The following BBS9 variants were observed in gnomAD, a reference collection of about 807,000 sequenced individuals.
BBS9 encodes the protein protein PTHB1.
In BBS9, 89 loss-of-function variants were observed where a neutral mutation model predicts 117.7. The ratio of observed to expected loss-of-function variants is 0.76; its 90% CI spans 0.64 to 0.90. The LOEUF is 0.90. BBS9 is among the 40% of genes least tolerant of loss of function. The probability of loss-of-function intolerance (pLI) is 0.00; values close to 1 mark genes in which losing one functional copy is unlikely to be tolerated. For synonymous variants in BBS9, 379 were observed against 370.9 expected, an observed-to-expected ratio of 1.02 and a Z score of -0.25; for missense variants, 982 against 1,042.2, an observed-to-expected ratio of 0.94 and a Z score of 0.80.
At chr7:33,520,640 T>G (rs1179526834) in intron 20 of BBS9, among the ~76,000 whole-genome samples, 1 of 152,208 alleles carries the variant, frequency 6.6e-6, no homozygotes, top group Non-Finnish European at 1.5e-5. Flanking sequence ...TAATCCAATG[T>G]ACTTTCATGG....
intron 21 of BBS9, among the ~76,000 whole-genome samples, chr7:33,550,103 A>G (rs892372483): frequency 1.3e-5 from 2 of 152,108 alleles, no homozygotes; most frequent in South Asian, 2.1e-4. Context: ...CAGTGTATCT[A>G]TCTTTTATAG....
At chr7:33,459,354 C>T (rs1839111969) in intron 19 of BBS9, among the ~76,000 whole-genome samples, 1 of 151,814 alleles carries the variant, frequency 6.6e-6, no homozygotes, top group Admixed American at 6.6e-5. Context: ...ATTGTAACAG[C>T]TGGGGAGAAG....
At chr7:33,267,064 A>G (rs556935424) in intron 7 of BBS9, among the ~76,000 whole-genome samples, 3 of 151,846 alleles carry the variant, frequency 2.0e-5, no homozygotes, top group Admixed American at 6.6e-5. Flanking sequence ...TTATTTATTT[A>G]TTTTTTGCTT....
chr7:33,151,785 A>C (rs534462295), intron 2 of BBS9, among the ~76,000 whole-genome samples: 1 of 151,158 alleles, frequency 6.6e-6, no homozygotes, highest in Non-Finnish European at 1.5e-5. Flanking sequence ...TCCTGATCTC[A>C]AGTGATCTGC....
intron 21 of BBS9, among the ~76,000 whole-genome samples, chr7:33,553,521 T>C (rs1854794942): frequency 1.3e-5 from 2 of 152,334 alleles, no homozygotes; most frequent in East Asian, 3.9e-4. Context: ...TAATGCCCTC[T>C]GACTCTTCAT....
intron 9 of BBS9, among the ~76,000 whole-genome samples, chr7:33,290,640 A>T (rs950688383): frequency 4.9e-4 from 74 of 152,346 alleles, no homozygotes; most frequent in Non-Finnish European, 9.4e-4. Context: ...TTAAATTTTT[A>T]AAAAATTTTT....
chr7:33,421,891 A>T (rs892077802), intron 19 of BBS9, among the ~76,000 whole-genome samples: 11 of 152,334 alleles, frequency 7.2e-5, no homozygotes, highest in East Asian at 1.9e-4. Context: ...ATAACTTTTT[A>T]AAAAAGTACA....
At position 33,605,935 on chromosome 7, in the gene BBS9, A is replaced by G. The variant is rs1013310957; in HGVS notation, c.*709A>G. The G allele has an allele frequency of 4.6e-5, 7 of 152,252 alleles. No individual in the cohort carries two copies. The highest frequency in any genetic ancestry group is 5.9e-5 in the Non-Finnish European group (4 of 68,086). 9.4% of individuals were successfully genotyped at this position (152,252 alleles called of 1,614,324 possible). A position where few individuals can be genotyped will look rare whatever the true frequency, so the allele number is the denominator to read the frequency against. Reference sequence around the variant, plus strand: ...GCACCTTTTAAAAATCCAGGTTATTAAAGGATTCACACTTTATTACAGTTA... The same window carrying G: ...GCACCTTTTAAAAATCCAGGTTATTGAAGGATTCACACTTTATTACAGTTA... On this transcript the variant is annotated 3_prime_UTR_variant, in exon 23 of 23. Coordinates refer to ENST00000242067, the MANE Select transcript of BBS9 (RefSeq NM_198428.3).
At chr7:33,331,136 A>G (rs1813955232) in intron 9 of BBS9, among the ~76,000 whole-genome samples, 2 of 152,228 alleles carry the variant, frequency 1.3e-5, no homozygotes, top group Non-Finnish European at 2.9e-5. Flanking sequence ...AACAAATGTG[A>G]TATATCACAT....
At chr7:33,513,942 A>G (rs1029076068) in intron 20 of BBS9, among the ~76,000 whole-genome samples, 34 of 152,204 alleles carry the variant, frequency 2.2e-4, no homozygotes, top group Non-Finnish European at 4.4e-5. Context: ...AATGTCAATC[A>G]TAAAACTAAT....
rs145005048 is a variant in BBS9 at position 33,354,662 on chromosome 7, A to G, written c.1552+1789A>G. On this transcript the variant is annotated intron_variant, in intron 15 of 22. Coordinates refer to ENST00000242067, the MANE Select transcript of BBS9 (RefSeq NM_198428.3). ...ATTCATATATACTTATTTTTTTTCT[A>G]TGTTCTTTTTTCCTTTATTTCTTTA... Among the ~76,000 whole-genome samples, 519 of 151,956 alleles carry G rather than the reference A, an allele frequency of 3.4e-3. 5 individuals are homozygous for G. The highest frequency in any genetic ancestry group is 0.011 in the African/African-American group (472 of 41,482).
At chr7:33,432,405 A>G (rs1834647959) in intron 19 of BBS9, among the ~76,000 whole-genome samples, 1 of 151,318 alleles carries the variant, frequency 6.6e-6, no homozygotes, top group East Asian at 1.9e-4. Context: ...CACCGCGCCC[A>G]GCTGATTTTT....
At chr7:33,208,072 G>A (rs1241290714) in intron 5 of BBS9, among the ~76,000 whole-genome samples, 2 of 152,120 alleles carry the variant, frequency 1.3e-5, no homozygotes, top group African/African-American at 4.8e-5. Flanking sequence ...GCCTCCCAAA[G>A]TGCTGGGATT....
rs942758963 is a variant in BBS9 at position 33,257,298 on chromosome 7, T to A, written c.505T>A (p.Tyr169Asn). 6.2e-7 allele frequency: 1 copy of A among 1,613,928 alleles called. No individual in the cohort carries two copies. Among genetic ancestry groups the A allele is most frequent in the Non-Finnish European group, 8.5e-7 (1 of 1,179,850 alleles). The change falls in exon 6 of 23, where the codon TAT becomes AAT. Residue 169 changes from tyrosine (Y) to asparagine (N), a missense_variant. Coordinates refer to ENST00000242067, the MANE Select transcript of BBS9 (RefSeq NM_198428.3). ...GCTGATGGTATTTGAGCAGGAGAGC[T>A]ATGCTTTTGGAAGATTTCTCCCTGG... ...GMLMVFEQES[Y>N]AFGRFLPGFL...
chr7:33,362,749 G>C (rs1293335475), intron 16 of BBS9, among the ~76,000 whole-genome samples: 1 of 152,054 alleles, frequency 6.6e-6, no homozygotes, highest in Non-Finnish European at 1.5e-5. Context: ...TAGGTCCTTT[G>C]CATTTTCATA....
chr7:33,309,425 G>C (rs1015370463), intron 9 of BBS9, among the ~76,000 whole-genome samples: 3 of 152,296 alleles, frequency 2.0e-5, no homozygotes, highest in East Asian at 1.9e-4. Context: ...ATTTGAGCTA[G>C]AAGTAGTTTA....
chr7:33,305,094 C>A (rs1178311191), intron 9 of BBS9, among the ~76,000 whole-genome samples: 2 of 150,372 alleles, frequency 1.3e-5, no homozygotes, highest in East Asian at 2.0e-4. Context: ...GACCCTGCCA[C>A]ATCCCCCTCT....
chr7:33,280,335 C>T (rs1199975747), intron 9 of BBS9, among the ~76,000 whole-genome samples: 1 of 152,144 alleles, frequency 6.6e-6, no homozygotes, highest in Non-Finnish European at 1.5e-5. Context: ...CCCTCCCTCC[C>T]CACTCTTGTA....
chr7:33,232,786 A>G (rs2128262336), intron 5 of BBS9, among the ~76,000 whole-genome samples: 1 of 152,264 alleles, frequency 6.6e-6, no homozygotes. Context: ...ATGTGTGTGT[A>G]TATATCTATA....
Sources: gnomAD v4.1 joint callset for allele counts (sites outside exome capture counted in the v4.1 genomes callset) on GRCh38, gnomAD v4.1.1 for gene constraint, MANE v1.5 for transcripts, NCBI Gene and HGNC (gene_info 2026-07-23, HGNC 2026-07-21) for gene names.